PAX6: variants seen among roughly 807,000 people sequenced by gnomAD.
The protein encoded by PAX6 is paired box protein Pax-6.
PAX6 carries 7 observed loss-of-function variants against 60.7 expected under a neutral mutation model. The observed-to-expected ratio is 0.12, with a 90% CI of 0.07 to 0.22. The LOEUF (loss-of-function observed/expected upper bound fraction) is 0.22, where lower values mean the gene tolerates loss of function less well. Among genes scored for constraint, PAX6 ranks in the 10% least tolerant of loss-of-function variants. The probability of loss-of-function intolerance (pLI) is 1.00; values close to 1 mark genes in which losing one functional copy is unlikely to be tolerated. For missense variants in PAX6, 355 were observed against 555.2 expected, an observed-to-expected ratio of 0.64 and a Z score of 3.62; for synonymous variants, 208 against 201.2, an observed-to-expected ratio of 1.03 and a Z score of -0.29.
intron 8 of PAX6, among the ~76,000 whole-genome samples, chr11:31,799,234 G>T (rs1399614724): frequency 6.6e-6 from 1 of 152,150 alleles, no homozygotes; most frequent in Non-Finnish European, 1.5e-5. Flanking sequence ...ACCAGAGGCG[G>T]GAGCGGGCCT....
At chr11:31,806,279 TCCC>T in intron 4 of PAX6, 120 bp downstream of exon 4, 1 of 1,156,540 alleles carries the variant, frequency 8.6e-7, no homozygotes. Flanking sequence ...CCGCCGCAGG[TCCC>T]CGGGCCTCAG....
rs978910554 is a variant in PAX6, at chr11:31,790,778, T to C, written c.1157A>G (p.Tyr386Cys). ...GTGTGTCTGCATATGTGGGGGGGTG[T>C]AGGTATCATAACTCCGCCCATTCAC... ...PSVNGRSYDTYTPPHMQTHMN... is the reference protein window; with the variant it reads ...PSVNGRSYDTCTPPHMQTHMN... The change falls in exon 13 of 14, where the codon TAC (tyrosine) becomes TGC (cysteine). Residue 386 changes from tyrosine to cysteine, a missense_variant. Coordinates refer to ENST00000640368, the MANE Select transcript of PAX6 (RefSeq NM_001368894.2). 6.2e-7 allele frequency: 1 copy of C among 1,613,784 alleles called. No homozygotes were observed. The highest frequency in any genetic ancestry group is 8.5e-7 in the Non-Finnish European group (1 of 1,179,984).
chr11:31,790,675 C>A, intron 13 of PAX6, 35 bp downstream of exon 13: 1 of 1,613,416 alleles, frequency 6.2e-7, no homozygotes, highest in South Asian at 1.1e-5. Context: ...GAAGAGAGAT[C>A]GCCTCTGTGC....
At chr11:31,794,811 G>C in intron 8 of PAX6, 23 bp from the exon 9 acceptor site, 2 of 1,613,758 alleles carry the variant, frequency 1.2e-6, no homozygotes, top group Non-Finnish European at 1.7e-6. Flanking sequence ...GAATAGGATG[G>C]TAAGAGAAAT....
At chr11:31,793,376 C>A in intron 12 of PAX6, 62 bp downstream of exon 12, 1 of 1,416,634 alleles carries the variant, frequency 7.1e-7, no homozygotes, top group Non-Finnish European at 1.0e-6. Flanking sequence ...GTCCGCAGGC[C>A]CTGAGCCACT....
In PAX6 at chr11:31,801,616, T is replaced by C; in HGVS notation, c.344A>G (p.Glu115Gly). 6.2e-7 allele frequency: 1 copy of C among 1,614,108 alleles called. No individual in the cohort carries two copies. The highest frequency in any genetic ancestry group is 2.2e-5 in the East Asian group (1 of 44,866). ...KRECPSIFAW[E>G]IRDRLLSEGV... is the part of the protein sequence containing the mutation. ...CTCGGACAGTAATCTGTCTCGGATT[T>C]CCCAAGCAAAGATGGACGGGCACTC... Residue 115 changes from glutamate (E) to glycine (G), a missense_variant, in exon 7 of 14, where the codon GAA becomes GGA. Physicochemically the swap from Glu to Gly is moderately conservative, Grantham distance 98. Coordinates refer to ENST00000640368, the MANE Select transcript of PAX6 (RefSeq NM_001368894.2).
At chr11:31,809,673 A>C (rs1956635613) in intron 2 of PAX6, 1 of 152,236 alleles carries the variant, frequency 6.6e-6, no homozygotes, top group Admixed American at 6.5e-5. Context: ...CTGGGATCTT[A>C]GAATCGAAAG....
rs181083145 is a variant in PAX6 at position 31,795,643 on chromosome 11, A to G, written c.566-855T>C. Among the ~76,000 whole-genome samples, 340 of 152,374 alleles carry G rather than the reference A, an allele frequency of 2.2e-3. 2 individuals carry two copies. Among genetic ancestry groups the G allele is most frequent in the Non-Finnish European group, 4.0e-3 (273 of 68,032 alleles). ...CTTTGGCATATCATTTAAGTGGTAC[A>G]TTTTTAATTAGGGCATTTCCACCAC... On this transcript the variant is annotated intron_variant, in intron 8 of 13. Coordinates refer to ENST00000640368, the MANE Select transcript of PAX6 (RefSeq NM_001368894.2).
chr11:31,800,539 A>G, intron 8 of PAX6, 152 bp downstream of exon 8: 1 of 933,426 alleles, frequency 1.1e-6, no homozygotes. Flanking sequence ...ACCTACATAC[A>G]ATGTGGTCGA....
At chr11:31,794,470 A>T (rs1015484805) in intron 9 of PAX6, 160 bp downstream of exon 9, 1 of 410,232 alleles carries the variant, frequency 2.4e-6, no homozygotes, top group South Asian at 2.0e-5. Context: ...ACACACACAC[A>T]CACACACACT....
intron 4 of PAX6, 181 bp from the exon 5 acceptor site, chr11:31,803,015 C>G: frequency 1.5e-6 from 1 of 670,604 alleles, no homozygotes; most frequent in Non-Finnish European, 2.6e-6. Flanking sequence ...CATCCCCCTG[C>G]CAACCTGTGC....
chr11:31,816,507 G>C (rs1703934932), intron 1 of PAX6: 1 of 702,276 alleles, frequency 1.4e-6, no homozygotes, highest in Non-Finnish European at 2.6e-6. Context: ...CTCTAATGAG[G>C]GAGGAGGCCC....
intron 8 of PAX6, among the ~76,000 whole-genome samples, chr11:31,796,782 T>G (rs1592466395): frequency 6.7e-6 from 1 of 149,206 alleles, no homozygotes; most frequent in Non-Finnish European, 1.5e-5. Flanking sequence ...CGAACAAGAG[T>G]GGGAGAGAGA....
chr11:31,792,725 G>A (rs1950305929), intron 12 of PAX6: 1 of 169,202 alleles, frequency 5.9e-6, no homozygotes, highest in African/African-American at 2.4e-5. Context: ...TAAATGTAGG[G>A]GCTAATAGAT....
intron 1 of PAX6, chr11:31,816,370 C>A (rs560513559): frequency 3.4e-6 from 2 of 594,286 alleles, no homozygotes; most frequent in Non-Finnish European, 6.0e-6. Context: ...AGGGCACGGG[C>A]ATGAGAAGGC....
chr11:31,817,634 C>T (rs7936522), intron 1 of PAX6, among the ~76,000 whole-genome samples: 2 of 152,204 alleles, frequency 1.3e-5, no homozygotes, highest in Non-Finnish European at 2.9e-5. Flanking sequence ...TCCTCCACCC[C>T]CCTTCCTATC....
intron 7 of PAX6, chr11:31,801,104 G>A: frequency 1.3e-6 from 1 of 777,506 alleles, no homozygotes. Context: ...TGTCTCTGGT[G>A]ACCTAACTCA....
At chr11:31,794,894 C>T (rs1951045412) in intron 8 of PAX6, 106 bp from the exon 9 acceptor site, 2 of 1,016,392 alleles carry the variant, frequency 2.0e-6, no homozygotes, top group Non-Finnish European at 3.1e-6. Flanking sequence ...TCCCGACAGC[C>T]TCACCAAAAC....
rs1375589302 is a variant in PAX6, at chr11:31,800,775, T to C, written c.481A>G (p.Arg161Gly). 2 of 1,614,242 alleles carry C rather than the reference T, an allele frequency of 1.2e-6. No homozygotes were observed. The highest frequency in any genetic ancestry group is 2.2e-5 in the South Asian group (2 of 91,090). Reference protein sequence around the residue: ...MGADGMYDKLRMLNGQTGSWG... With the variant: ...MGADGMYDKLGMLNGQTGSWG... ...CTTCCGGTCTGCCCGTTCAACATCC[T>C]TAGTTTATCATACATGCCGTCTGCG... is the stretch of plus-strand genomic sequence containing the variant. The change falls in exon 8 of 14, where the codon AGG becomes GGG. Residue 161 changes from arginine (R) to glycine (G), a missense_variant. By Grantham distance (125) the Arg-to-Gly change is moderately radical (BLOSUM62 -2). Transcript: ENST00000640368.
Sources: allele counts gnomAD v4.1 joint callset (sites outside exome capture counted in the v4.1 genomes callset), GRCh38; gene constraint gnomAD v4.1.1; transcripts MANE v1.5; gene names NCBI Gene and HGNC (gene_info 2026-07-23, HGNC 2026-07-21).